Variants in SS18L1 observed in about 807,000 individuals in gnomAD.
SS18L1 encodes the protein calcium-responsive transactivator.
A neutral mutation model predicts 70.3 loss-of-function variants in SS18L1; 32 were observed. The observed-to-expected ratio is 0.46, with a 90% confidence interval of 0.34 to 0.61. The LOEUF (loss-of-function observed/expected upper bound fraction) is 0.61. Among genes scored for constraint, SS18L1 ranks in the 20% least tolerant of loss-of-function variants. SS18L1 has a pLI of 0.01. For synonymous variants in SS18L1, 237 were observed against 229.7 expected, an observed-to-expected ratio of 1.03 and a Z score of -0.29; for missense variants, 430 against 542.1, an observed-to-expected ratio of 0.79 and a Z score of 2.05.
In SS18L1 at chr20:62,159,535, C is replaced by T. The variant is rs566811444; in HGVS notation, c.147-342C>T. 1.5e-4 allele frequency among the ~76,000 whole-genome samples: 23 copies of T among 152,324 alleles called. No homozygotes were observed. The highest frequency in any genetic ancestry group is 1.5e-4 in the Non-Finnish European group (10 of 68,024). ...CTGGACGAGGGCTCTGTCCCTCTGT[C>T]ACCTTCGGGCCCCTGCCTCCTCGTG... is the stretch of plus-strand genomic sequence containing the variant. On this transcript the variant is annotated intron_variant, in intron 2 of 10. Transcript: ENST00000331758. The surrounding 1 kb of genome is among the most constrained non-coding windows in gnomAD (Gnocchi z 4.4).
At position 62,164,218 on chromosome 20, in the gene SS18L1, G is replaced by A; in HGVS notation, c.795G>A (p.Glu265=). ...EQYSHSQGAA[E]PMGQQYYPDG... ...ACAGCCACAGCCAGGGCGCCGCGGAGCCCATGGGCCAGCAGTACTACCCCG... is the reference window on the plus strand; with the variant it reads ...ACAGCCACAGCCAGGGCGCCGCGGAACCCATGGGCCAGCAGTACTACCCCG... Residue 265 remains glutamate (E), a synonymous_variant, in exon 7 of 11, where the codon GAG becomes GAA. Transcript: ENST00000331758. 1 of 1,549,672 alleles carries A rather than the reference G, an allele frequency of 6.5e-7. No homozygotes were observed. Among genetic ancestry groups the A allele is most frequent in the Admixed American group, 2.0e-5 (1 of 50,980 alleles).
rs747349536 is a variant in SS18L1, at chr20:62,163,629, C to T, written c.721+7C>T. ...TACCGGCCCTCCCAGCAAGGTAACG[C>T]CCGGCCGGGCCAGGTCGCGGGCACA... is the stretch of plus-strand genomic sequence containing the variant. On this transcript the variant is annotated splice_region_variant and intron_variant, in intron 6 of 10. Coordinates refer to ENST00000331758, the MANE Select transcript of SS18L1 (RefSeq NM_198935.3). The T allele has an allele frequency of 3.6e-5, 57 of 1,566,756 alleles. No homozygotes were observed. In the East Asian group the frequency reaches 1.2e-3, roughly 34 times the overall value.
At chr20:62,160,584 C>G (rs928660006) in intron 3 of SS18L1, among the ~76,000 whole-genome samples, 4 of 152,172 alleles carry the variant, frequency 2.6e-5, no homozygotes, top group African/African-American at 9.7e-5. Flanking sequence ...TTTTAAAATG[C>G]ATTTTTCCAA....
In SS18L1 at chr20:62,161,720, C is replaced by T. The variant is rs1039835649; in HGVS notation, c.376+140C>T. 4.7e-6 allele frequency: 6 copies of T among 1,281,280 alleles called. No individual in the cohort carries two copies. Among genetic ancestry groups the T allele is most frequent in the Middle Eastern group, 2.8e-4 (1 of 3,598 alleles). 79.4% of individuals were successfully genotyped at this position (1,281,280 alleles called of 1,614,324 possible). ...CACTCCTCCTGGGGTAGCCACAGGT[C>T]GGCTGCCATCGCCCAGGCTCAGGGC... On this transcript the variant is annotated intron_variant, in intron 4 of 10. Transcript: ENST00000331758. The surrounding 1 kb of genome is among the most constrained non-coding windows in gnomAD (Gnocchi z 4.4).
intron 1 of SS18L1, among the ~76,000 whole-genome samples, chr20:62,149,149 G>T (rs1263271385): frequency 6.6e-6 from 1 of 152,270 alleles, no homozygotes; most frequent in African/African-American, 2.4e-5. Context: ...GGTGGTGGCA[G>T]TGTCACGCCC....
At chr20:62,167,586 A>G (rs7274328) in intron 8 of SS18L1, among the ~76,000 whole-genome samples, 26,296 of 151,914 alleles carry the variant, frequency 0.17, 3,295 homozygotes, top group African/African-American at 0.35. Context: ...TGTGGCCAGC[A>G]CCCAGAGGCT....
intron 4 of SS18L1, chr20:62,162,412 C>T (rs954551712): frequency 1.7e-4 from 40 of 231,226 alleles, no homozygotes; most frequent in Non-Finnish European, 2.9e-4. Context: ...AGCAGTTCTC[C>T]GGCCTCAGCC....
intron 7 of SS18L1, 86 bp from the exon 8 acceptor site, chr20:62,165,336 C>A (rs899808514): frequency 1.5e-6 from 2 of 1,337,422 alleles, no homozygotes; most frequent in Admixed American, 2.0e-5. Context: ...CAGACAACAT[C>A]TCCCCAGCCT....
rs574454934 is a variant in SS18L1 at position 62,181,339 on chromosome 20, C to T, written c.*2131C>T. The T allele has an allele frequency of 1.2e-4, 25 of 208,210 alleles. No individual in the cohort carries two copies. Among genetic ancestry groups the T allele is most frequent in the African/African-American group, 5.5e-4 (24 of 44,018 alleles). 12.9% of individuals were successfully genotyped at this position (208,210 alleles called of 1,614,324 possible). On this transcript the variant is annotated 3_prime_UTR_variant, in exon 11 of 11. Transcript: ENST00000331758. ...CATCTCCCTTGATTGTGTTCTTTTC[C>T]TGTCAATTTTCATAGACCTAATTTG...
chr20:62,175,532 C>T (rs6062117), intron 10 of SS18L1: 50,950 of 789,658 alleles, frequency 0.065, 1,994 homozygotes, highest in South Asian at 0.19. Context: ...GGCTGGAGCA[C>T]AGGGCATATG....
intron 10 of SS18L1, chr20:62,175,510 A>G (rs912612518): frequency 1.3e-5 from 12 of 942,886 alleles, no homozygotes; most frequent in Non-Finnish European, 1.5e-5. Context: ...GGCAGCCTGA[A>G]GGAGGCTCGG....
intron 1 of SS18L1, among the ~76,000 whole-genome samples, chr20:62,147,575 A>G (rs773512992): frequency 6.6e-6 from 1 of 151,982 alleles, no homozygotes; most frequent in Non-Finnish European, 1.5e-5. Flanking sequence ...TGGTTTTCTC[A>G]TTGGTTTCCT....
intron 1 of SS18L1, among the ~76,000 whole-genome samples, chr20:62,157,110 C>G (rs904692593): frequency 1.6e-4 from 24 of 152,124 alleles, no homozygotes; most frequent in Non-Finnish European, 2.8e-4. Flanking sequence ...AGGTGGACAC[C>G]TTGAAAGAGC....
intron 1 of SS18L1, among the ~76,000 whole-genome samples, chr20:62,151,228 CCTCA>C (rs1185998526): frequency 3.3e-5 from 5 of 152,190 alleles, no homozygotes; most frequent in Admixed American, 3.3e-4. Context: ...TGGTTCTCAT[CCTCA>C]CTCCCTCGCC....
At chr20:62,149,642 C>T (rs537622518) in intron 1 of SS18L1, among the ~76,000 whole-genome samples, 3 of 152,204 alleles carry the variant, frequency 2.0e-5, no homozygotes, top group South Asian at 2.1e-4. Flanking sequence ...CTTGTCTTTA[C>T]GAAGAGGACA....
chr20:62,150,167 C>T (rs1030850034), intron 1 of SS18L1, among the ~76,000 whole-genome samples: 24 of 152,234 alleles, frequency 1.6e-4, no homozygotes, highest in Admixed American at 1.2e-3. Flanking sequence ...TAAATTGAGA[C>T]GCTCTTCTGA....
intron 1 of SS18L1, among the ~76,000 whole-genome samples, chr20:62,153,275 G>A (rs1006079088): frequency 5.9e-5 from 9 of 152,214 alleles, no homozygotes; most frequent in Non-Finnish European, 1.3e-4. Context: ...CCCACGACAC[G>A]TGGGGCTTAT....
At position 62,165,851 on chromosome 20, in the gene SS18L1, C is replaced by T. The variant is rs2057419896; in HGVS notation, c.916+337C>T. ...CATGCTGGGGTTGGGGACACAGACT[C>T]TGTTATTGGGTCTGGCCAGGGATCG... is the stretch of plus-strand genomic sequence containing the variant. On this transcript the variant is annotated intron_variant, in intron 8 of 10. Coordinates refer to ENST00000331758, the MANE Select transcript of SS18L1 (RefSeq NM_198935.3). Among the ~76,000 whole-genome samples, 3 of 152,120 alleles carry T rather than the reference C, an allele frequency of 2.0e-5. No homozygotes were observed. In the South Asian group the frequency reaches 6.2e-4, roughly 32 times the overall value.
At chr20:62,176,586 G>A (rs1205227673) in intron 10 of SS18L1, among the ~76,000 whole-genome samples, 2 of 152,224 alleles carry the variant, frequency 1.3e-5, no homozygotes, top group South Asian at 2.1e-4. Flanking sequence ...AGGCTGAGGC[G>A]GGTAGATCAC....
Sources: gnomAD v4.1 joint callset for allele counts (sites outside exome capture counted in the v4.1 genomes callset) on GRCh38, gnomAD v4.1.1 for gene constraint, Gnocchi (gnomAD v3.1) non-coding constraint, MANE v1.5 for transcripts, NCBI Gene and HGNC (gene_info 2026-07-23, HGNC 2026-07-21) for gene names.